ARIH2: variants seen among roughly 807,000 people sequenced by gnomAD.
ARIH2 encodes E3 ubiquitin-protein ligase ARIH2.
In ARIH2, 12 loss-of-function variants were observed where a neutral mutation model predicts 79.8. The observed-to-expected ratio is 0.15, with a 90% CI of 0.10 to 0.24. The LOEUF (loss-of-function observed/expected upper bound fraction) is 0.24, where lower values mean the gene tolerates loss of function less well. Among genes scored for constraint, ARIH2 ranks in the 10% least tolerant of loss-of-function variants. The probability of loss-of-function intolerance (pLI) is 1.00; values close to 1 mark genes in which losing one functional copy is unlikely to be tolerated. For synonymous variants in ARIH2, 224 were observed against 213.9 expected (o/e 1.05, Z -0.41); for missense variants, 301 against 618.3 (o/e 0.49, Z 5.44).
intron 3 of ARIH2, among the ~76,000 whole-genome samples, chr3:48,942,681 C>A (rs1304782228): frequency 1.7e-5 from 2 of 117,548 alleles, no homozygotes; most frequent in African/African-American, 6.6e-5. Context: ...GATGGAGTTT[C>A]GCTCTTGTTG....
At chr3:48,919,940 G>A (rs941626878) in intron 1 of ARIH2, among the ~76,000 whole-genome samples, 3 of 151,750 alleles carry the variant, frequency 2.0e-5, no homozygotes, top group Non-Finnish European at 4.4e-5. Context: ...TGGTTGTTAG[G>A]TCCCCTGAAC....
At chr3:48,949,512 A>G (rs1455216865) in intron 3 of ARIH2, among the ~76,000 whole-genome samples, 1 of 152,134 alleles carries the variant, frequency 6.6e-6, no homozygotes, top group African/African-American at 2.4e-5. Context: ...CCTTGTTAGC[A>G]CTTGGTATTT....
At chr3:48,961,894 A>G (rs917305913) in intron 4 of ARIH2, among the ~76,000 whole-genome samples, 1 of 152,214 alleles carries the variant, frequency 6.6e-6, no homozygotes, top group Admixed American at 6.5e-5. Flanking sequence ...ATACTAGCAC[A>G]GTATTCTATC....
chr3:48,978,477 ATATATAT>A (rs1441103516), intron 11 of ARIH2, among the ~76,000 whole-genome samples: 5 of 67,138 alleles, frequency 7.4e-5, no homozygotes, highest in South Asian at 1.2e-3. Context: ...ATATATATAT[ATATATAT>A]TTTTTTTTTT....
intron 3 of ARIH2, among the ~76,000 whole-genome samples, chr3:48,945,593 T>C (rs558166788): frequency 1.1e-3 from 173 of 152,336 alleles, no homozygotes; most frequent in Non-Finnish European, 2.2e-3. Flanking sequence ...TTTCCTTCAG[T>C]AGCAGGAATT....
chr3:48,967,006 G>T, intron 5 of ARIH2, 119 bp from the exon 6 acceptor site: 1 of 1,105,050 alleles, frequency 9.0e-7, no homozygotes. Context: ...CATTGCAGTT[G>T]AGCTCTGATA....
Position 48,973,621 on chromosome 3 carries a change from G to A in ARIH2, c.771-78G>A, listed in dbSNP as rs2092362072. On this transcript the variant is annotated intron_variant, in intron 8 of 15. Coordinates refer to ENST00000356401, the MANE Select transcript of ARIH2 (RefSeq NM_006321.4). Reference sequence around the variant, plus strand: ...AAAAGCTCTAATTCATGATTTGTTGGCTTGGATAAAAGGAAAATTTTGAAC... The same window carrying A: ...AAAAGCTCTAATTCATGATTTGTTGACTTGGATAAAAGGAAAATTTTGAAC... 6.4e-5 allele frequency: 65 copies of A among 1,022,782 alleles called. No individual in the cohort carries two copies. In the South Asian group the frequency reaches 9.3e-4, roughly 15 times the overall value. 63.4% of individuals were successfully genotyped at this position (1,022,782 alleles called of 1,614,324 possible). A position where few individuals can be genotyped will look rare whatever the true frequency, so the allele number is the denominator to read the frequency against.
intron 3 of ARIH2, among the ~76,000 whole-genome samples, chr3:48,932,972 G>A (rs569697012): frequency 6.6e-6 from 1 of 152,100 alleles, no homozygotes; most frequent in Non-Finnish European, 1.5e-5. Context: ...CTGGAATGAG[G>A]GTCAAAGATG....
chr3:48,978,049 G>T (rs759395163), intron 11 of ARIH2, among the ~76,000 whole-genome samples: 2 of 152,088 alleles, frequency 1.3e-5, no homozygotes, highest in Non-Finnish European at 2.9e-5. Flanking sequence ...AACAATGTGT[G>T]TTCTAGACAA....
Position 48,918,859 on chromosome 3 carries a change from T to G in ARIH2, c.-301T>G. ...GCACTTCCGGAGCTGTGGGGACGAC[T>G]CTTCTGGAGGAAGCAGCGCGGGCTT... On this transcript the variant is annotated 5_prime_UTR_variant, in exon 1 of 16. Transcript: ENST00000356401. 1.9e-6 allele frequency: 3 copies of G among 1,610,884 alleles called. No individual in the cohort carries two copies. Among genetic ancestry groups the G allele is most frequent in the Non-Finnish European group, 2.5e-6 (3 of 1,179,640 alleles).
chr3:48,938,627 G>A (rs2087524779), intron 3 of ARIH2, among the ~76,000 whole-genome samples: 1 of 152,096 alleles, frequency 6.6e-6, no homozygotes, highest in Admixed American at 6.5e-5. Flanking sequence ...TTATTAAAGG[G>A]GTTAAAGTAA....
intron 3 of ARIH2, among the ~76,000 whole-genome samples, chr3:48,945,687 G>T (rs1473229890): frequency 6.6e-6 from 1 of 152,174 alleles, no homozygotes; most frequent in Non-Finnish European, 1.5e-5. Flanking sequence ...TCTGATAGAA[G>T]ACTTGCTTGA....
chr3:48,961,568 GA>G (rs1410525377), intron 3 of ARIH2, 43 bp from the exon 4 acceptor site: 1 of 1,256,522 alleles, frequency 8.0e-7, no homozygotes, highest in Non-Finnish European at 1.2e-6. Flanking sequence ...CACTTTAAAA[GA>G]AAATGCAGTT....
At chr3:48,969,338 T>C (rs929971454) in intron 7 of ARIH2, among the ~76,000 whole-genome samples, 7 of 152,126 alleles carry the variant, frequency 4.6e-5, no homozygotes, top group African/African-American at 1.7e-4. Flanking sequence ...TCCTGTGTGG[T>C]TGAGCAGAGA....
chr3:48,950,178 T>C (rs2089768019), intron 3 of ARIH2, among the ~76,000 whole-genome samples: 1 of 152,212 alleles, frequency 6.6e-6, no homozygotes, highest in Non-Finnish European at 1.5e-5. Flanking sequence ...CAGAACCCTT[T>C]GTTGAAAAGA....
chr3:48,920,228 G>C (rs1379679148), intron 1 of ARIH2, among the ~76,000 whole-genome samples: 2 of 151,814 alleles, frequency 1.3e-5, no homozygotes, highest in African/African-American at 4.8e-5. Context: ...CTATCCTCCC[G>C]GTTTGACCTC....
At chr3:48,962,853 C>T (rs1447796314) in intron 4 of ARIH2, among the ~76,000 whole-genome samples, 1 of 152,012 alleles carries the variant, frequency 6.6e-6, no homozygotes, top group Non-Finnish European at 1.5e-5. Flanking sequence ...CTTCCTTTCT[C>T]GTATGGTATG....
chr3:48,956,956 GC>G (rs1171817820), intron 3 of ARIH2, among the ~76,000 whole-genome samples: 1 of 151,742 alleles, frequency 6.6e-6, no homozygotes, highest in Non-Finnish European at 1.5e-5. Flanking sequence ...CAAGTGATCT[GC>G]CCGCCTCGGC....
intron 13 of ARIH2, among the ~76,000 whole-genome samples, chr3:48,981,210 T>G (rs2092737088): frequency 6.6e-6 from 1 of 151,584 alleles, no homozygotes; most frequent in East Asian, 1.9e-4. Context: ...TGCACACCTG[T>G]AGTCCTGGCT....
Sources: allele counts gnomAD v4.1 joint callset (sites outside exome capture counted in the v4.1 genomes callset), GRCh38; gene constraint gnomAD v4.1.1; transcripts MANE v1.5; gene names NCBI Gene and HGNC (gene_info 2026-07-23, HGNC 2026-07-21).